Variants in TMTC1 observed in about 807,000 individuals in gnomAD.
TMTC1 encodes the protein transmembrane O-mannosyltransferase targeting cadherins 1.
Under a neutral mutation model 104.8 loss-of-function variants are expected in TMTC1, and 73 were observed. That is an observed-to-expected ratio of 0.70 (90% CI 0.58 to 0.85). The LOEUF (loss-of-function observed/expected upper bound fraction) is 0.85. Among genes scored for constraint, TMTC1 ranks in the 40% least tolerant of loss-of-function variants. The pLI, the probability that TMTC1 is intolerant of heterozygous loss-of-function variation, is 0.00. For missense variants in TMTC1, 1,035 were observed against 1,096.1 expected (o/e 0.94, Z 0.79); for synonymous variants, 434 against 428.7 (o/e 1.01, Z -0.15).
intron 9 of TMTC1, 57 bp from the exon 10 acceptor site, chr12:29,557,057 A>G: frequency 6.3e-7 from 1 of 1,586,350 alleles, no homozygotes; most frequent in Non-Finnish European, 8.6e-7. Context: ...GTTGGGCACA[A>G]CTTGCTTGTT....
intron 5 of TMTC1, among the ~76,000 whole-genome samples, chr12:29,658,993 C>T (rs1383907682): frequency 6.6e-6 from 1 of 152,224 alleles, no homozygotes; most frequent in African/African-American, 2.4e-5. Flanking sequence ...ATCAGATCCA[C>T]TGATCAGCAT....
intron 5 of TMTC1, chr12:29,640,432 G>A (rs1436668973): frequency 6.6e-6 from 1 of 152,120 alleles, no homozygotes. Context: ...AAGGACCCAG[G>A]AGACCCCCCA....
rs866071730 is a variant in TMTC1 at position 29,600,008 on chromosome 12, A to T, written c.1250+4170T>A. 8.0e-4 allele frequency among the ~76,000 whole-genome samples: 95 copies of T among 118,660 alleles called. 1 individual carries two copies. The highest frequency in any genetic ancestry group is 2.5e-3 in the African/African-American group (65 of 26,110). 77.8% of individuals were successfully genotyped at this position (118,660 alleles called of 152,430 possible). On this transcript the variant is annotated intron_variant, in intron 7 of 17. Coordinates refer to ENST00000539277, the MANE Select transcript of TMTC1 (RefSeq NM_001193451.2). The stretch of plus-strand genomic sequence containing the variant: ...TGTGTATATACATATATATATATAT[A>T]TTTTTTTTTTTTTTTCCCTCAAAAG...
At position 29,572,107 on chromosome 12, in the gene TMTC1, G is replaced by C; in HGVS notation, c.1530C>G (p.Leu510=). ...KEAIYHYRTA[L]KLYPRHASAL... ...CACCCTCCCTGTGTGGCGCTTACTT[G>C]AGAGCTGTTCTGTAGTGGTAGATCG... is the stretch of plus-strand genomic sequence containing the variant. Residue 510 remains leucine (L), a splice_region_variant and synonymous_variant, in exon 9 of 18, where the codon CTC becomes CTG. Transcript: ENST00000539277. The C allele has an allele frequency of 6.2e-7, 1 of 1,613,096 alleles. No homozygotes were observed. The highest frequency in any genetic ancestry group is 8.5e-7 in the Non-Finnish European group (1 of 1,179,144).
intron 5 of TMTC1, among the ~76,000 whole-genome samples, chr12:29,687,406 G>A (rs1382677003): frequency 6.6e-6 from 1 of 152,200 alleles, no homozygotes; most frequent in African/African-American, 2.4e-5. Flanking sequence ...TGCTGGCTCT[G>A]TGCTCATAAA....
At chr12:29,718,415 G>T (rs2136870220) in intron 5 of TMTC1, among the ~76,000 whole-genome samples, 1 of 152,304 alleles carries the variant, frequency 6.6e-6, no homozygotes, top group South Asian at 2.1e-4. Flanking sequence ...ATCCTGTAAA[G>T]AAGAGAGTCA....
intron 5 of TMTC1, among the ~76,000 whole-genome samples, chr12:29,723,764 T>G (rs1942303791): frequency 6.6e-6 from 1 of 152,018 alleles, no homozygotes; most frequent in Non-Finnish European, 1.5e-5. Context: ...AACTGATATG[T>G]GTAAGTAGAA....
intron 16 of TMTC1, among the ~76,000 whole-genome samples, chr12:29,514,255 C>T (rs1943920674): frequency 6.6e-6 from 1 of 152,090 alleles, no homozygotes; most frequent in South Asian, 2.1e-4. Flanking sequence ...TCAAATTAAA[C>T]ATGATTATTC....
chr12:29,704,941 CTATT>C (rs199916004), intron 5 of TMTC1, among the ~76,000 whole-genome samples: 1,743 of 152,288 alleles, frequency 0.011, 12 homozygotes, highest in Non-Finnish European at 0.014. Flanking sequence ...AAACTTAAAA[CTATT>C]TATATGTTAT....
intron 5 of TMTC1, among the ~76,000 whole-genome samples, chr12:29,661,846 A>G (rs1414295957): frequency 6.6e-6 from 1 of 152,164 alleles, no homozygotes; most frequent in Non-Finnish European, 1.5e-5. Context: ...TTGGAACCAA[A>G]CTAGGTTACA....
intron 7 of TMTC1, among the ~76,000 whole-genome samples, chr12:29,599,993 C>CATATATATATATATATATAT (rs71444331): frequency 6.1e-5 from 5 of 81,816 alleles, no homozygotes; most frequent in African/African-American, 2.6e-4. Flanking sequence ...TGTGTATATA[C>CATATATATATATATATATAT]ATATATATAT....
intron 10 of TMTC1, among the ~76,000 whole-genome samples, chr12:29,554,353 T>C (rs1231758288): frequency 6.7e-6 from 1 of 148,356 alleles, no homozygotes; most frequent in Non-Finnish European, 1.5e-5. Flanking sequence ...TTGTTTTTCC[T>C]TTCTTGTTTT....
intron 5 of TMTC1, among the ~76,000 whole-genome samples, chr12:29,635,048 G>T (rs144656734): frequency 0.01 from 1,524 of 152,290 alleles, 13 homozygotes; most frequent in Non-Finnish European, 0.012. Flanking sequence ...GACATGGGTT[G>T]AAAGAGGCAT....
chr12:29,741,274 A>C (rs1421059761), intron 5 of TMTC1, among the ~76,000 whole-genome samples: 1 of 152,214 alleles, frequency 6.6e-6, no homozygotes, highest in Non-Finnish European at 1.5e-5. Flanking sequence ...AATTTCCTCC[A>C]AAGTCTGTGT....
chr12:29,607,968 C>T (rs1252710845), intron 6 of TMTC1, among the ~76,000 whole-genome samples: 4 of 152,128 alleles, frequency 2.6e-5, no homozygotes, highest in African/African-American at 7.2e-5. Flanking sequence ...GACAGTGGCA[C>T]AGTGCCCAAA....
At chr12:29,524,237 T>A (rs1296848291) in intron 11 of TMTC1, among the ~76,000 whole-genome samples, 1 of 152,162 alleles carries the variant, frequency 6.6e-6, no homozygotes, top group Middle Eastern at 3.4e-3. Flanking sequence ...GTTTGGAGTA[T>A]GCTCCTTAGT....
chr12:29,668,801 T>C (rs1027354304), intron 5 of TMTC1, among the ~76,000 whole-genome samples: 2 of 152,218 alleles, frequency 1.3e-5, no homozygotes, highest in Non-Finnish European at 2.9e-5. Context: ...ATCATTTCAA[T>C]ATCTTCTTCA....
chr12:29,783,544 G>A lies in TMTC1; in HGVS notation c.208C>T (p.Arg70Cys). 10 of 1,473,898 alleles carry A rather than the reference G, an allele frequency of 6.8e-6. No individual in the cohort carries two copies. The highest frequency in any genetic ancestry group is 9.0e-6 in the Non-Finnish European group (10 of 1,114,336). 91.3% of individuals were successfully genotyped at this position (1,473,898 alleles called of 1,614,324 possible). ...NPDVRPGAPL[R>C]WGIFTNDFWG... ...AAGTCGTTGGTGAAGATGCCCCAGC[G>A]GAGCGGGGCGCCGGGCCGCACGTCG... Residue 70 changes from arginine to cysteine, a missense_variant, in exon 1 of 18, where the codon CGC becomes TGC. Coordinates refer to ENST00000539277, the MANE Select transcript of TMTC1 (RefSeq NM_001193451.2). The surrounding 1 kb of genome is among the most constrained non-coding windows in gnomAD (Gnocchi z 4.7).
At position 29,536,005 on chromosome 12, in the gene TMTC1, T is replaced by C. The variant is rs148923052; in HGVS notation, c.1785+204A>G. On this transcript the variant is annotated intron_variant, in intron 11 of 17. Coordinates refer to ENST00000539277, the MANE Select transcript of TMTC1 (RefSeq NM_001193451.2). ...TATATCAATGGCCAATAACGGACCATCTTTGTCTAAAAGCGACCTGTGATA... is the reference window on the plus strand; with the variant it reads ...TATATCAATGGCCAATAACGGACCACCTTTGTCTAAAAGCGACCTGTGATA... 368 of 551,830 alleles carry C rather than the reference T, an allele frequency of 6.7e-4. 8 individuals are homozygous for C. Among genetic ancestry groups the C allele is most frequent in the East Asian group, 5.8e-3 (183 of 31,532 alleles). The allele number at this position is 551,830 out of a possible 1,614,324, so 34.2% of individuals were successfully genotyped here.
Sources: gnomAD v4.1 joint callset for allele counts (sites outside exome capture counted in the v4.1 genomes callset) on GRCh38, gnomAD v4.1.1 for gene constraint, Gnocchi (gnomAD v3.1) non-coding constraint, MANE v1.5 for transcripts, NCBI Gene and HGNC (gene_info 2026-07-23, HGNC 2026-07-21) for gene names.